Variants in CPVL observed in about 807,000 individuals in gnomAD.
The protein encoded by CPVL is probable serine carboxypeptidase CPVL.
CPVL carries 51 observed loss-of-function variants against 63.7 expected under a neutral mutation model. The ratio of observed to expected loss-of-function variants is 0.80; its 90% CI spans 0.64 to 1.01. The LOEUF (loss-of-function observed/expected upper bound fraction) is 1.01, where lower values mean the gene tolerates loss of function less well. Among genes scored for constraint, CPVL ranks in the 50% least tolerant of loss-of-function variants. The pLI, the probability that CPVL is intolerant of heterozygous loss-of-function variation, is 0.00. For synonymous variants in CPVL, 195 were observed against 206.0 expected, an observed-to-expected ratio of 0.95 and a Z score of 0.46; for missense variants, 530 against 573.1, an observed-to-expected ratio of 0.92 and a Z score of 0.77.
intron 3 of CPVL, among the ~76,000 whole-genome samples, chr7:29,104,991 C>T (rs1787581455): frequency 6.6e-6 from 1 of 151,950 alleles, no homozygotes; most frequent in African/African-American, 2.4e-5. Context: ...TCTCTGACAC[C>T]CTCTATTCTT....
At chr7:29,029,169 G>A (rs150845334) in intron 12 of CPVL, among the ~76,000 whole-genome samples, 4 of 152,046 alleles carry the variant, frequency 2.6e-5, no homozygotes, top group Non-Finnish European at 1.5e-5. Flanking sequence ...TGCTGATGAG[G>A]ATGCAGAGAA....
intron 1 of CPVL, among the ~76,000 whole-genome samples, chr7:29,131,088 G>A (rs1790648891): frequency 6.6e-6 from 1 of 151,972 alleles, no homozygotes; most frequent in African/African-American, 2.4e-5. Context: ...TTTGAATGGT[G>A]TGAACCCAGG....
intron 5 of CPVL, among the ~76,000 whole-genome samples, chr7:29,160,599 A>G (rs555869926): frequency 3.9e-5 from 6 of 152,296 alleles, no homozygotes; most frequent in Non-Finnish European, 8.8e-5. Flanking sequence ...GTCAGAAGGT[A>G]GGGGAAGTAC....
At chr7:29,158,802 T>C (rs1041386105) in intron 5 of CPVL, among the ~76,000 whole-genome samples, 1 of 152,180 alleles carries the variant, frequency 6.6e-6, no homozygotes, top group East Asian at 1.9e-4. Flanking sequence ...TTCACCCTAT[T>C]TTAAATATTT....
chr7:29,072,506 T>G, intron 7 of CPVL, 83 bp from the exon 8 acceptor site: 5 of 1,479,568 alleles, frequency 3.4e-6, no homozygotes, highest in Non-Finnish European at 4.6e-6. Flanking sequence ...AAAATAACAA[T>G]GAAGGAGCAA....
intron 3 of CPVL, among the ~76,000 whole-genome samples, chr7:29,104,147 G>A (rs560897192): frequency 6.6e-6 from 1 of 152,310 alleles, no homozygotes; most frequent in Non-Finnish European, 1.5e-5. Flanking sequence ...AGACATTCAT[G>A]TTTTTCAAAG....
chr7:29,071,640 G>C, intron 9 of CPVL, 133 bp downstream of exon 9: 4 of 930,802 alleles, frequency 4.3e-6, no homozygotes, highest in South Asian at 3.8e-5. Context: ...CTCGCCTCCC[G>C]ATCTCCAATG....
At chr7:29,051,112 T>G (rs959561500) in intron 11 of CPVL, among the ~76,000 whole-genome samples, 1 of 152,124 alleles carries the variant, frequency 6.6e-6, no homozygotes, top group Non-Finnish European at 1.5e-5. Flanking sequence ...CAAGATTGAT[T>G]AAGGACTTAA....
At chr7:29,060,877 C>T (rs1791206084) in intron 11 of CPVL, among the ~76,000 whole-genome samples, 1 of 152,124 alleles carries the variant, frequency 6.6e-6, no homozygotes, top group African/African-American at 2.4e-5. Context: ...ATGGTACTAA[C>T]GTTTTAAGCC....
intron 4 of CPVL, among the ~76,000 whole-genome samples, chr7:29,184,202 AG>A (rs1798428399): frequency 1.4e-5 from 2 of 139,082 alleles, no homozygotes; most frequent in Non-Finnish European, 3.2e-5. Context: ...GATAGATAAA[AG>A]AGATATTTAT....
At chr7:29,103,809 T>A (rs538418475) in intron 3 of CPVL, among the ~76,000 whole-genome samples, 1 of 152,180 alleles carries the variant, frequency 6.6e-6, no homozygotes, top group Non-Finnish European at 1.5e-5. Context: ...AGATGAGAAG[T>A]GCAATTAGTA....
chr7:29,077,984 T>C (rs1784381181), intron 7 of CPVL, among the ~76,000 whole-genome samples: 2 of 152,314 alleles, frequency 1.3e-5, no homozygotes, highest in African/African-American at 2.4e-5. Context: ...GGCCTTAAAA[T>C]GGCCAGTTTA....
chr7:29,094,407 G>C (rs1339933339), intron 5 of CPVL, among the ~76,000 whole-genome samples: 2 of 152,048 alleles, frequency 1.3e-5, no homozygotes, highest in Non-Finnish European at 2.9e-5. Context: ...AACTCTATGT[G>C]AAAGATTAGA....
intron 9 of CPVL, 64 bp downstream of exon 9, chr7:29,071,709 A>AGCCCC: frequency 3.2e-5 from 15 of 472,932 alleles, no homozygotes; most frequent in Non-Finnish European, 4.6e-5. Flanking sequence ...GTTCCTGCTC[A>AGCCCC]CCCGCCCTCC....
intron 1 of CPVL, among the ~76,000 whole-genome samples, chr7:29,125,672 C>T (rs2190644): frequency 0.69 from 104,310 of 151,066 alleles, 35,999 homozygotes; most frequent in East Asian, 0.88. Context: ...GGATTACAGG[C>T]GTGAGCCACC....
Position 29,174,722 on chromosome 7 carries a change from C to T in CPVL, c.-11+6568G>A, listed in dbSNP as rs76288487. ...CTAAAGATACAAAATTAGCTGGGCA[C>T]GGTGGCACACACCTGTAATCCCAGC... On this transcript the variant is annotated intron_variant, in intron 5 of 16. Coordinates refer to the CPVL transcript ENST00000409850. Among the ~76,000 whole-genome samples the T allele has an allele frequency of 7.7e-4, 117 of 151,994 alleles. 2 individuals carry two copies. In the East Asian group the frequency reaches 0.018, roughly 23 times the overall value.
At chr7:29,185,491 A>G (rs1233994074) in intron 3 of CPVL, 2 of 152,136 alleles carry the variant, frequency 1.3e-5, no homozygotes, top group African/African-American at 4.8e-5. Flanking sequence ...CGGCAAAAAC[A>G]TGGAGCAACA....
chr7:29,030,504 T>C lies in CPVL; in HGVS notation c.1320+73A>G, dbSNP rs1376863042. 1.9e-5 allele frequency: 27 copies of C among 1,440,342 alleles called. No individual in the cohort carries two copies. In the Admixed American group the frequency reaches 2.3e-4, roughly 12 times the overall value. 89.2% of individuals were successfully genotyped at this position (1,440,342 alleles called of 1,614,324 possible). A position where few individuals can be genotyped will look rare whatever the true frequency, so the allele number is the denominator to read the frequency against. ...TTTGCTTAAGGTCGGCCATGTCTCA[T>C]TGCTATTCAGGCTTTATTTTCAATC... On this transcript the variant is annotated intron_variant, in intron 12 of 12. Coordinates refer to ENST00000265394, the MANE Select transcript of CPVL (RefSeq NM_031311.5).
rs1023003857 is a variant in CPVL at position 29,026,285 on chromosome 7, G to A, written c.1320+4292C>T. Among the ~76,000 whole-genome samples the A allele has an allele frequency of 3.3e-5, 5 of 152,050 alleles. No individual in the cohort carries two copies. The East Asian group carries it at 7.7e-4, about 24-fold the overall frequency. On this transcript the variant is annotated intron_variant, in intron 12 of 12. Transcript: ENST00000265394. ...TCTTGAAACAAATGAAAATGGAAAC[G>A]CAAAATACCAAAACCTATAGGATAC...
Sources: gnomAD v4.1 joint callset for allele counts (sites outside exome capture counted in the v4.1 genomes callset) on GRCh38, gnomAD v4.1.1 for gene constraint, MANE v1.5 for transcripts, NCBI Gene and HGNC (gene_info 2026-07-23, HGNC 2026-07-21) for gene names.